The following ERBB4 variants were observed in gnomAD, a reference collection of about 807,000 sequenced individuals.
The protein encoded by ERBB4 is receptor tyrosine-protein kinase erbB-4.
Under a neutral mutation model 158.0 loss-of-function variants are expected in ERBB4, and 42 were observed. That is an observed-to-expected ratio of 0.27 (90% CI 0.21 to 0.34). The LOEUF (loss-of-function observed/expected upper bound fraction) is 0.34. Ranked by LOEUF, ERBB4 falls within the 10% of genes least tolerant of loss-of-function variation. ERBB4 has a pLI of 1.00. For synonymous variants in ERBB4, 583 were observed against 558.7 expected, an observed-to-expected ratio of 1.04 and a Z score of -0.61; for missense variants, 1,333 against 1,624.1, an observed-to-expected ratio of 0.82 and a Z score of 3.08.
chr2:212,386,886 T>C (rs2090694622), intron 1 of ERBB4, among the ~76,000 whole-genome samples: 1 of 152,110 alleles, frequency 6.6e-6, no homozygotes, highest in Non-Finnish European at 1.5e-5. Flanking sequence ...CTTCTTACTG[T>C]TCCAATGATT....
chr2:212,417,175 A>T (rs1023264645), intron 1 of ERBB4, among the ~76,000 whole-genome samples: 1 of 152,056 alleles, frequency 6.6e-6, no homozygotes, highest in African/African-American at 2.4e-5. Flanking sequence ...CTCGTACATC[A>T]TCAGTTAAAG....
intron 12 of ERBB4, among the ~76,000 whole-genome samples, chr2:211,688,435 C>G (rs1323753891): frequency 3.9e-5 from 6 of 152,194 alleles, no homozygotes; most frequent in Non-Finnish European, 7.3e-5. Flanking sequence ...TCTCAAGGCA[C>G]TTAGCCAGAG....
chr2:212,439,678 G>T (rs929736129), intron 1 of ERBB4, among the ~76,000 whole-genome samples: 4 of 152,088 alleles, frequency 2.6e-5, no homozygotes, highest in African/African-American at 7.2e-5. Flanking sequence ...AAAGTTTCTG[G>T]TGGGGTTAGG....
chr2:212,026,554 A>C (rs2076777063), intron 2 of ERBB4, among the ~76,000 whole-genome samples: 1 of 151,886 alleles, frequency 6.6e-6, no homozygotes, highest in African/African-American at 2.4e-5. Flanking sequence ...ATTATTATAA[A>C]CACACCATTT....
intron 23 of ERBB4, 108 bp from the exon 24 acceptor site, chr2:211,422,212 G>C: frequency 3.1e-6 from 2 of 644,656 alleles, no homozygotes; most frequent in Non-Finnish European, 5.6e-6. Context: ...TGTTTTAATC[G>C]TAATGATCTG....
rs1176095118 is a variant in ERBB4, at chr2:211,812,542, C to T, written c.422-24383G>A. On this transcript the variant is annotated intron_variant, in intron 3 of 27. Coordinates refer to ENST00000342788, the MANE Select transcript of ERBB4 (RefSeq NM_005235.3). ...AGTCTGTCCATTCTCCAAGCTCAAACACTTTGCTGGAAGAACCACTGCTCT... is the reference window on the plus strand; with the variant it reads ...AGTCTGTCCATTCTCCAAGCTCAAATACTTTGCTGGAAGAACCACTGCTCT... Among the ~76,000 whole-genome samples the T allele has an allele frequency of 2.0e-5, 3 of 152,344 alleles. No homozygotes were observed. The East Asian group carries it at 5.8e-4, about 29-fold the overall frequency.
chr2:212,085,672 CTCTT>C (rs2078583277), intron 2 of ERBB4, among the ~76,000 whole-genome samples: 1 of 151,770 alleles, frequency 6.6e-6, no homozygotes. Flanking sequence ...AGAGTTGAGA[CTCTT>C]TTTTAGGAAA....
chr2:212,474,822 C>CCTTTTTTTTTTT (rs1689295723), intron 1 of ERBB4, among the ~76,000 whole-genome samples: 9 of 94,412 alleles, frequency 9.5e-5, no homozygotes, highest in African/African-American at 5.5e-4. Flanking sequence ...CCCGGCCATT[C>CCTTTTTTTTTTT]TTTTTTTTTT....
chr2:211,821,196 A>G (rs1182217302), intron 3 of ERBB4, among the ~76,000 whole-genome samples: 1 of 151,926 alleles, frequency 6.6e-6, no homozygotes, highest in Non-Finnish European at 1.5e-5. Context: ...ATAAAGTTGC[A>G]GATTGCAAAA....
intron 1 of ERBB4, among the ~76,000 whole-genome samples, chr2:212,215,581 A>T (rs943132883): frequency 9.8e-6 from 1 of 101,822 alleles, no homozygotes; most frequent in Non-Finnish European, 2.1e-5. Context: ...CAATTCACAA[A>T]ACTTAGTTTT....
intron 25 of ERBB4, among the ~76,000 whole-genome samples, chr2:211,410,231 ATG>A (rs1035347604): frequency 4.6e-5 from 7 of 152,184 alleles, no homozygotes; most frequent in African/African-American, 1.7e-4. Context: ...TTTGTTTTAA[ATG>A]TATATATATA....
chr2:211,741,735 G>A (rs2074806393), intron 5 of ERBB4, among the ~76,000 whole-genome samples: 1 of 152,020 alleles, frequency 6.6e-6, no homozygotes, highest in Admixed American at 6.6e-5. Context: ...TTAAGTAATA[G>A]CTCCTGAATC....
At chr2:211,585,600 T>G (rs114620429) in intron 19 of ERBB4, among the ~76,000 whole-genome samples, 3,317 of 152,216 alleles carry the variant, frequency 0.022, 57 homozygotes, top group Non-Finnish European at 0.034. Flanking sequence ...TCAATATTAT[T>G]TTTCAAGTAT....
intron 15 of ERBB4, 156 bp from the exon 16 acceptor site, chr2:211,657,984 A>C (rs1295755382): frequency 1.2e-6 from 2 of 1,601,366 alleles, no homozygotes; most frequent in Non-Finnish European, 1.7e-6. Context: ...TCAATACTTG[A>C]GCCTATGCAC....
Position 211,624,012 on chromosome 2 carries a change from T to C in ERBB4, c.2112A>G (p.Ala704=), listed in dbSNP as rs369392494. 1.2e-6 allele frequency: 2 copies of C among 1,614,032 alleles called. No homozygotes were observed. The highest frequency in any genetic ancestry group is 1.3e-5 in the African/African-American group (1 of 74,936). The change falls in exon 18 of 28, where the codon GCA becomes GCG. Residue 704 remains alanine, a synonymous_variant. Transcript: ENST00000342788. ...LVEPLTPSGT[A]PNQAQLRILK... is the part of the protein sequence containing the mutation. ...AAATACGAAGTTGAGCTTGATTGGGTGCTGTGCCACTGGGAGTTAATGGTT... is the reference window on the plus strand; with the variant it reads ...AAATACGAAGTTGAGCTTGATTGGGCGCTGTGCCACTGGGAGTTAATGGTT...
chr2:212,179,895 C>T (rs956256256), intron 1 of ERBB4, among the ~76,000 whole-genome samples: 1 of 151,446 alleles, frequency 6.6e-6, no homozygotes, highest in Non-Finnish European at 1.5e-5. Flanking sequence ...TTGAGAAAAG[C>T]CTTTACAAAG....
chr2:212,382,168 A>C (rs2090524225), intron 1 of ERBB4, among the ~76,000 whole-genome samples: 1 of 149,762 alleles, frequency 6.7e-6, no homozygotes, highest in Non-Finnish European at 1.5e-5. Context: ...TATATATTAT[A>C]CACATGCACA....
chr2:211,546,720 A>G (rs1392071219), intron 20 of ERBB4, among the ~76,000 whole-genome samples: 1 of 152,068 alleles, frequency 6.6e-6, no homozygotes, highest in East Asian at 1.9e-4. Context: ...CTTCATAGCC[A>G]CCATTATACT....
intron 2 of ERBB4, among the ~76,000 whole-genome samples, chr2:212,047,463 T>TTTTATTTATTTATTTATTTA (rs561340076): frequency 6.6e-6 from 1 of 151,554 alleles, no homozygotes; most frequent in African/African-American, 2.4e-5. Flanking sequence ...TTCATATTAA[T>TTTTATTTATTTATTTATTTA]TTTATTTATT....
Sources: allele counts gnomAD v4.1 joint callset (sites outside exome capture counted in the v4.1 genomes callset), GRCh38; gene constraint gnomAD v4.1.1; transcripts MANE v1.5; gene names NCBI Gene and HGNC (gene_info 2026-07-23, HGNC 2026-07-21).